DLG2: variants seen among roughly 807,000 people sequenced by gnomAD.
The protein encoded by DLG2 is disks large homolog 2.
A neutral mutation model predicts 132.5 loss-of-function variants in DLG2; 45 were observed. The observed-to-expected ratio is 0.34, with a 90% confidence interval of 0.27 to 0.44. The LOEUF is 0.44. Among genes scored for constraint, DLG2 ranks in the 20% least tolerant of loss-of-function variants. The probability of loss-of-function intolerance (pLI) is 1.00; values close to 1 mark genes in which losing one functional copy is unlikely to be tolerated. For synonymous variants in DLG2, 424 were observed against 419.6 expected (o/e 1.01, Z -0.13); for missense variants, 1,045 against 1,196.9 (o/e 0.87, Z 1.87).
At chr11:83,734,862 C>T (rs976294222) in intron 18 of DLG2, among the ~76,000 whole-genome samples, 5 of 151,648 alleles carry the variant, frequency 3.3e-5, no homozygotes, top group African/African-American at 4.8e-5. Context: ...GCCTATGTAT[C>T]GTTATATATA....
rs78273747 is a variant in DLG2 at position 84,912,552 on chromosome 11, T to C, written c.357+199109A>G. On this transcript the variant is annotated intron_variant, in intron 6 of 27. Coordinates refer to ENST00000376104, the MANE Select transcript of DLG2 (RefSeq NM_001142699.3). The stretch of plus-strand genomic sequence containing the variant: ...GCTCATGATACAAGGTAGATTCTTA[T>C]CATTACTAACCATTTCAATTACACC... Among the ~76,000 whole-genome samples, 26 of 152,390 alleles carry C rather than the reference T, an allele frequency of 1.7e-4. No individual in the cohort carries two copies. The East Asian group carries it at 5.0e-3, about 29-fold the overall frequency.
intron 7 of DLG2, among the ~76,000 whole-genome samples, chr11:84,507,137 C>T (rs914470365): frequency 6.6e-6 from 1 of 152,184 alleles, no homozygotes; most frequent in Admixed American, 6.5e-5. Flanking sequence ...CTCATTCACT[C>T]ATATCGTCAA....
At chr11:85,421,375 G>A (rs1479535636) in intron 3 of DLG2, among the ~76,000 whole-genome samples, 1 of 151,144 alleles carries the variant, frequency 6.6e-6, no homozygotes, top group Non-Finnish European at 1.5e-5. Flanking sequence ...CTACAGACCG[G>A]AGCTGTTCCT....
intron 7 of DLG2, among the ~76,000 whole-genome samples, chr11:84,307,010 T>C (rs1405552609): frequency 6.6e-6 from 1 of 152,192 alleles, no homozygotes; most frequent in Admixed American, 6.5e-5. Flanking sequence ...CGAAGGAATA[T>C]AAATTATAAA....
intron 15 of DLG2, among the ~76,000 whole-genome samples, chr11:83,896,825 G>A (rs2071853091): frequency 6.6e-6 from 1 of 152,104 alleles, no homozygotes; most frequent in Admixed American, 6.6e-5. Flanking sequence ...AGAAATGGGT[G>A]AAGTTTATTG....
At chr11:85,104,349 A>T (rs2071343202) in intron 6 of DLG2, among the ~76,000 whole-genome samples, 1 of 151,958 alleles carries the variant, frequency 6.6e-6, no homozygotes, top group Non-Finnish European at 1.5e-5. Context: ...AAAATATGGT[A>T]TACTCATACA....
intron 3 of DLG2, among the ~76,000 whole-genome samples, chr11:85,359,438 T>A (rs1411720468): frequency 6.6e-6 from 1 of 152,152 alleles, no homozygotes; most frequent in African/African-American, 2.4e-5. Flanking sequence ...AAAAACTACT[T>A]TACTAAAATC....
rs1368461474 is a variant in DLG2 at position 83,518,762 on chromosome 11, C to CAT, written c.2193+13944_2193+13945dup. Among the ~76,000 whole-genome samples the CAT allele has an allele frequency of 7.2e-5, 11 of 152,008 alleles. No individual in the cohort carries two copies. In the East Asian group the frequency reaches 1.5e-3, roughly 21 times the overall value. ...CAAAATCTACCCATCAGAGTCTTAGCATATATATATGTATATATTTGTACT... is the reference window on the plus strand; with the variant it reads ...CAAAATCTACCCATCAGAGTCTTAGCATATATATATATGTATATATTTGTACT... On this transcript the variant is annotated intron_variant, in intron 21 of 27. Coordinates refer to ENST00000376104, the MANE Select transcript of DLG2 (RefSeq NM_001142699.3).
chr11:84,728,000 C>T (rs568073291), intron 6 of DLG2, among the ~76,000 whole-genome samples: 4 of 152,120 alleles, frequency 2.6e-5, no homozygotes, highest in East Asian at 1.9e-4. Context: ...TGGACTGAGA[C>T]GATGGGGTTT....
chr11:84,126,115 A>G (rs2094159129), intron 9 of DLG2, among the ~76,000 whole-genome samples: 1 of 152,148 alleles, frequency 6.6e-6, no homozygotes, highest in Non-Finnish European at 1.5e-5. Flanking sequence ...TAAGAACTGG[A>G]GTGTAACTCA....
intron 6 of DLG2, among the ~76,000 whole-genome samples, chr11:84,985,461 T>C (rs2056350909): frequency 6.6e-6 from 1 of 152,058 alleles, no homozygotes; most frequent in Admixed American, 6.5e-5. Context: ...TCAAAACTTC[T>C]GGGATACAGC....
intron 3 of DLG2, among the ~76,000 whole-genome samples, chr11:85,536,238 A>G (rs1228297151): frequency 6.9e-6 from 1 of 145,518 alleles, no homozygotes; most frequent in Non-Finnish European, 1.5e-5. Context: ...AAAAAAAAAA[A>G]GTTTTAAATA....
At chr11:83,750,795 A>C (rs2093254502) in intron 18 of DLG2, among the ~76,000 whole-genome samples, 2 of 152,206 alleles carry the variant, frequency 1.3e-5, no homozygotes, top group African/African-American at 4.8e-5. Flanking sequence ...ATAATAATTT[A>C]AAAGGTACCT....
chr11:84,410,540 T>C (rs1308517772), intron 7 of DLG2, among the ~76,000 whole-genome samples: 2 of 150,850 alleles, frequency 1.3e-5, no homozygotes, highest in Non-Finnish European at 3.0e-5. Context: ...ATGACTCTAC[T>C]ATATAAACAA....
At chr11:85,146,227 CCTCTCTCTCTCTCTCTCT>C (rs35640163) in intron 5 of DLG2, among the ~76,000 whole-genome samples, 1 of 129,110 alleles carries the variant, frequency 7.7e-6, no homozygotes, top group African/African-American at 3.1e-5. Flanking sequence ...TCTGTTTCTC[CCTCTCTCTCTCTCTCTCT>C]CTCTCTCTCT....
chr11:83,559,140 A>AAAAGG (rs2096569493), intron 19 of DLG2, among the ~76,000 whole-genome samples: 1 of 152,154 alleles, frequency 6.6e-6, no homozygotes, highest in African/African-American at 2.4e-5. Context: ...AGATGAAAAT[A>AAAAGG]AAAGCATTAG....
At chr11:85,536,788 G>A (rs960141683) in intron 3 of DLG2, among the ~76,000 whole-genome samples, 1 of 152,224 alleles carries the variant, frequency 6.6e-6, no homozygotes, top group Non-Finnish European at 1.5e-5. Context: ...CTTTTCACGG[G>A]ATGATTGGCC....
Position 85,295,216 on chromosome 11 carries a change from T to G in DLG2, c.41-9851A>C, listed in dbSNP as rs369885990. Among the ~76,000 whole-genome samples, 12 of 152,268 alleles carry G rather than the reference T, an allele frequency of 7.9e-5. No homozygotes were observed. In the East Asian group the frequency reaches 9.7e-4, roughly 12 times the overall value. ...ACCTCACAAAGATTTACCATGTAAA[T>G]TCTACAAATCTTCAGAAGATAAGTA... On this transcript the variant is annotated intron_variant, in intron 3 of 27. Coordinates refer to ENST00000376104, the MANE Select transcript of DLG2 (RefSeq NM_001142699.3).
chr11:83,918,464 A>G (rs80334898), intron 15 of DLG2, among the ~76,000 whole-genome samples: 2,764 of 152,264 alleles, frequency 0.018, 89 homozygotes, highest in African/African-American at 0.063. Context: ...TTTAAAAGGT[A>G]TATCGTCTTC....
Sources: allele counts gnomAD v4.1 joint callset (sites outside exome capture counted in the v4.1 genomes callset), GRCh38; gene constraint gnomAD v4.1.1; transcripts MANE v1.5; gene names NCBI Gene and HGNC (gene_info 2026-07-23, HGNC 2026-07-21).